Variants in CNTNAP1 observed in about 807,000 individuals in gnomAD.
CNTNAP1 encodes the protein contactin-associated protein 1.
A neutral mutation model predicts 161.5 loss-of-function variants in CNTNAP1; 80 were observed. The ratio of observed to expected loss-of-function variants is 0.50; its 90% CI spans 0.41 to 0.60. The LOEUF (loss-of-function observed/expected upper bound fraction) is 0.60. Ranked by LOEUF, CNTNAP1 falls within the 20% of genes least tolerant of loss-of-function variation. The pLI, the probability that CNTNAP1 is intolerant of heterozygous loss-of-function variation, is 0.00. For synonymous variants in CNTNAP1, 695 were observed against 733.1 expected, an observed-to-expected ratio of 0.95 and a Z score of 0.84; for missense variants, 1,464 against 1,854.8, an observed-to-expected ratio of 0.79 and a Z score of 3.87.
At position 42,685,628 on chromosome 17, in the gene CNTNAP1, A is replaced by G. The variant is rs925996690; in HGVS notation, c.715+208A>G. ...GGATTCCAGTCTCAGCTCTACCACT[A>G]CACAGAGATGTGACCTCGGATGGGG... On this transcript the variant is annotated intron_variant, in intron 5 of 23. Transcript: ENST00000264638. This position sits in a 1 kb window ranked among gnomAD's most constrained non-coding sequence, Gnocchi z 5.0. Among the ~76,000 whole-genome samples, 4 of 152,238 alleles carry G rather than the reference A, an allele frequency of 2.6e-5. No homozygotes were observed. Among genetic ancestry groups the G allele is most frequent in the African/African-American group, 7.2e-5 (3 of 41,460 alleles).
chr17:42,695,679 G>A lies in CNTNAP1; in HGVS notation c.3151G>A (p.Gly1051Ser). 1 of 1,614,154 alleles carries A rather than the reference G, an allele frequency of 6.2e-7. No individual in the cohort carries two copies. The highest frequency in any genetic ancestry group is 2.2e-5 in the East Asian group (1 of 44,888). ...CTATGATACTCCGGGCTATGTGCCT[G>A]GCTACCATGGCCCCGGGTACCGCCT... ...PGYDTPGYVP[G>S]YHGPGYRLPD... is the part of the protein sequence containing the mutation. Residue 1051 changes from glycine to serine, a missense_variant, in exon 19 of 24, where the codon GGC becomes AGC. Gly to Ser is a moderately conservative substitution (Grantham distance 56). This residue lies in a region of CNTNAP1 where 1,383 missense variants were observed against 1,765.0 expected (regional missense o/e 0.78). Transcript: ENST00000264638.
Position 42,689,531 on chromosome 17 carries a change from A to G in CNTNAP1, c.1639A>G (p.Asn547Asp). The G allele has an allele frequency of 6.2e-7, 1 of 1,613,460 alleles. No homozygotes were observed. ...TCGITDRCSP[N>D]MCEHDGRCYQ... ...TGACCCCTTCCCTAGGTGCAGCCCTAACATGTGTGAGCATGATGGACGCTG... is the reference window on the plus strand; with the variant it reads ...TGACCCCTTCCCTAGGTGCAGCCCTGACATGTGTGAGCATGATGGACGCTG... Residue 547 changes from asparagine (N) to aspartate (D), a missense_variant, in exon 11 of 24, where the codon AAC becomes GAC. Physicochemically the swap from Asn to Asp is conservative, Grantham distance 23 (BLOSUM62 1). This residue lies in a region of CNTNAP1 where 1,383 missense variants were observed against 1,765.0 expected (regional missense o/e 0.78). Transcript: ENST00000264638.
Position 42,684,097 on chromosome 17 carries a change from G to A in CNTNAP1, c.231G>A (p.Met77Ile). The change falls in exon 3 of 24, where the codon ATG (methionine) becomes ATA (isoleucine). Residue 77 changes from methionine (M) to isoleucine (I), a missense_variant. Met to Ile is a conservative substitution (Grantham distance 10). Coordinates refer to ENST00000264638, the MANE Select transcript of CNTNAP1 (RefSeq NM_003632.3). Reference protein sequence around the residue: ...DPNPWLQIDLMKKHRIRAVAT... With the variant: ...DPNPWLQIDLIKKHRIRAVAT... Reference sequence around the variant, plus strand: ...ATCCCTGGCTCCAGATAGACTTAATGAAGAAGCACCGGATCCGGGCCGTGG... The same window carrying A: ...ATCCCTGGCTCCAGATAGACTTAATAAAGAAGCACCGGATCCGGGCCGTGG... 1 of 1,614,204 alleles carries A rather than the reference G, an allele frequency of 6.2e-7. No homozygotes were observed.
intron 23 of CNTNAP1, 45 bp downstream of exon 23, chr17:42,697,995 T>G (rs919435733): frequency 6.2e-7 from 1 of 1,606,856 alleles, no homozygotes; most frequent in African/African-American, 1.3e-5. Context: ...GACTACCCTC[T>G]GACTGTCAGC....
chr17:42,694,463 C>A (rs1409182281), intron 18 of CNTNAP1, among the ~76,000 whole-genome samples: 2 of 152,040 alleles, frequency 1.3e-5, no homozygotes, highest in Non-Finnish European at 1.5e-5. Context: ...TGAGCCACAG[C>A]GCCTGGCAAA....
At chr17:42,690,252 G>T (rs2053067895) in intron 12 of CNTNAP1, 45 bp downstream of exon 12, 1 of 1,609,866 alleles carries the variant, frequency 6.2e-7, no homozygotes, top group East Asian at 2.2e-5. Flanking sequence ...GGAGAACCAG[G>T]AAGGATAGAG....
chr17:42,696,037 T>A lies in CNTNAP1; in HGVS notation c.3359T>A (p.Leu1120Gln). Residue 1120 changes from leucine to glutamine, a missense_variant, in exon 20 of 24, where the codon CTG (leucine) becomes CAG (glutamine). Physicochemically the swap from Leu to Gln is moderately radical, Grantham distance 113. This residue lies in a region of CNTNAP1 where 1,383 missense variants were observed against 1,765.0 expected (regional missense o/e 0.78). Coordinates refer to ENST00000264638, the MANE Select transcript of CNTNAP1 (RefSeq NM_003632.3). The stretch of plus-strand genomic sequence containing the variant: ...CCCCACCCCACAGGGACCCTTCAGC[T>A]GCGATATCAGCTGGGCACCAGTCCC... ...VLIKDDGTLQ[L>Q]RYQLGTSPYV... is the part of the protein sequence containing the mutation. The A allele has an allele frequency of 6.2e-7, 1 of 1,614,132 alleles. No homozygotes were observed. Among genetic ancestry groups the A allele is most frequent in the East Asian group, 2.2e-5 (1 of 44,868 alleles).
chr17:42,685,480 C>T lies in CNTNAP1; in HGVS notation c.715+60C>T. ...CCCCTGAAGCTCTCTCACCGCCCTC[C>T]TCGTGGCACCTCCTCCGCGCATCCG... On this transcript the variant is annotated intron_variant, in intron 5 of 23. Coordinates refer to ENST00000264638, the MANE Select transcript of CNTNAP1 (RefSeq NM_003632.3). This position sits in a 1 kb window ranked among gnomAD's most constrained non-coding sequence, Gnocchi z 5.0. 6.7e-7 allele frequency: 1 copy of T among 1,482,632 alleles called. No individual in the cohort carries two copies. Among genetic ancestry groups the T allele is most frequent in the Non-Finnish European group, 9.1e-7 (1 of 1,093,566 alleles). The allele number at this position is 1,482,632 out of a possible 1,614,324, so 91.8% of individuals were successfully genotyped here. A position where few individuals can be genotyped will look rare whatever the true frequency, so the allele number is the denominator to read the frequency against.
At position 42,686,886 on chromosome 17, in the gene CNTNAP1, C is replaced by T. The variant is rs766532674; in HGVS notation, c.901-17C>T. 2.5e-6 allele frequency: 4 copies of T among 1,588,206 alleles called. No individual in the cohort carries two copies. Among genetic ancestry groups the T allele is most frequent in the Non-Finnish European group, 3.4e-6 (4 of 1,160,940 alleles). On this transcript the variant is annotated splice_polypyrimidine_tract_variant and intron_variant, in intron 6 of 23. Coordinates refer to ENST00000264638, the MANE Select transcript of CNTNAP1 (RefSeq NM_003632.3). Reference sequence around the variant, plus strand: ...CCTCCTGTGCCCAAGAGGCCTCATTCCCCACGCCTCCCGCAGATGTTCATC... The same window carrying T: ...CCTCCTGTGCCCAAGAGGCCTCATTTCCCACGCCTCCCGCAGATGTTCATC...
chr17:42,686,469 G>GTTTTT (rs748366958), intron 6 of CNTNAP1, among the ~76,000 whole-genome samples: 1,210 of 70,904 alleles, frequency 0.017, 78 homozygotes, highest in East Asian at 0.069. Flanking sequence ...AAAAAGGCCT[G>GTTTTT]TTTTTTTTTT....
At position 42,690,952 on chromosome 17, in the gene CNTNAP1, G is replaced by C; in HGVS notation, c.2059+10G>C. 1 of 1,613,978 alleles carries C rather than the reference G, an allele frequency of 6.2e-7. No homozygotes were observed. The highest frequency in any genetic ancestry group is 8.5e-7 in the Non-Finnish European group (1 of 1,179,882). On this transcript the variant is annotated intron_variant, in intron 13 of 23. Transcript: ENST00000264638. Reference sequence around the variant, plus strand: ...CTGCTCAACACTGCAGGTTAGGGCTGGGGTCAGGGAGGTGGCGGAACTGGA... The same window carrying C: ...CTGCTCAACACTGCAGGTTAGGGCTCGGGTCAGGGAGGTGGCGGAACTGGA...
At position 42,696,085 on chromosome 17, in the gene CNTNAP1, G is replaced by A. The variant is rs1339014732; in HGVS notation, c.3407G>A (p.Arg1136Gln). Residue 1136 changes from arginine to glutamine, a missense_variant, in exon 20 of 24, where the codon CGA becomes CAA. Transcript: ENST00000264638. ...TSPYVYQLTT[R>Q]PVTDGQPHSI... ...CCCTACGTGTACCAGCTAACCACTC[G>A]ACCAGTGACCGATGGCCAGCCCCAT... The A allele has an allele frequency of 1.2e-5, 19 of 1,614,070 alleles. No individual in the cohort carries two copies. The highest frequency in any genetic ancestry group is 1.4e-5 in the Non-Finnish European group (17 of 1,180,006).
At chr17:42,682,975 G>T in intron 1 of CNTNAP1, 79 bp downstream of exon 1, 1 of 1,361,934 alleles carries the variant, frequency 7.3e-7, no homozygotes, top group South Asian at 1.4e-5. Flanking sequence ...CCGCATTGCG[G>T]CTGGGTGGTC....
At position 42,686,914 on chromosome 17, in the gene CNTNAP1, A is replaced by G. The variant is rs753140573; in HGVS notation, c.912A>G (p.Gly304=). ...RLNLDTEMFI[G]GLVGAARKNL... ...CACGCCTCCCGCAGATGTTCATCGG[A>G]GGTCTGGTGGGCGCCGCGCGGAAGA... Residue 304 remains glycine (G), a synonymous_variant, in exon 7 of 24, where the codon GGA becomes GGG. Transcript: ENST00000264638. 24 of 1,606,580 alleles carry G rather than the reference A, an allele frequency of 1.5e-5. No homozygotes were observed. Among genetic ancestry groups the G allele is most frequent in the Non-Finnish European group, 2.0e-5 (24 of 1,174,264 alleles).
chr17:42,690,008 G>A, intron 11 of CNTNAP1, 80 bp from the exon 12 acceptor site: 1 of 1,543,020 alleles, frequency 6.5e-7, no homozygotes, highest in Non-Finnish European at 8.9e-7. Flanking sequence ...CCAAAGTGCT[G>A]GGATTACAGG....
Position 42,695,545 on chromosome 17 carries a change from G to C in CNTNAP1, c.3017G>C (p.Gly1006Ala), listed in dbSNP as rs1352287987. 4.4e-6 allele frequency: 7 copies of C among 1,604,658 alleles called. No homozygotes were observed. Among genetic ancestry groups the C allele is most frequent in the Non-Finnish European group, 6.0e-6 (7 of 1,173,046 alleles). Residue 1006 changes from glycine to alanine, a missense_variant, in exon 19 of 24, where the codon GGC becomes GCC. Gly to Ala is a moderately conservative substitution (Grantham distance 60, BLOSUM62 0). Coordinates refer to ENST00000264638, the MANE Select transcript of CNTNAP1 (RefSeq NM_003632.3). ...GATATTGGTGGTTTCTTTGAGCCGG[G>C]CACCTGGATGCGCTATAACCTACAG... ...NHDIGGFFEP[G>A]TWMRYNLQSA...
Position 42,691,408 on chromosome 17 carries a change from C to T in CNTNAP1, c.2241C>T (p.Thr747=), listed in dbSNP as rs1456854497. ...GGAGAACTGACAAGGGACTGCTGAC[C>T]TTTGTGGACCATCTGCCTGTCACTC... The part of the protein sequence containing the change: ...PQWRTDKGLL[T]FVDHLPVTQV... The change falls in exon 15 of 24, where the codon ACC becomes ACT. Residue 747 remains threonine, a synonymous_variant. Coordinates refer to ENST00000264638, the MANE Select transcript of CNTNAP1 (RefSeq NM_003632.3). The surrounding 1 kb of genome is among the most constrained non-coding windows in gnomAD (Gnocchi z 4.3). 6.2e-7 allele frequency: 1 copy of T among 1,614,024 alleles called. No individual in the cohort carries two copies. The highest frequency in any genetic ancestry group is 8.5e-7 in the Non-Finnish European group (1 of 1,179,980).
intron 6 of CNTNAP1, among the ~76,000 whole-genome samples, chr17:42,686,476 T>TTTTTG (rs66976513): frequency 0.2 from 22,846 of 116,666 alleles, 2,662 homozygotes; most frequent in Non-Finnish European, 0.24. Flanking sequence ...CCTGTTTTTT[T>TTTTTG]TTTTTTTTTT....
At chr17:42,690,260 G>C (rs937319670) in intron 12 of CNTNAP1, 53 bp downstream of exon 12, 1 of 1,605,620 alleles carries the variant, frequency 6.2e-7, no homozygotes, top group Non-Finnish European at 8.5e-7. Flanking sequence ...AGGAAGGATA[G>C]AGTGGTGGGT....
Sources: allele counts gnomAD v4.1 joint callset (sites outside exome capture counted in the v4.1 genomes callset), GRCh38; gene constraint gnomAD v4.1.1; regional missense constraint gnomAD v4.1.1; non-coding constraint Gnocchi (gnomAD v3.1); transcripts MANE v1.5; gene names NCBI Gene and HGNC (gene_info 2026-07-23, HGNC 2026-07-21).